WDR86: variants seen among roughly 807,000 people sequenced by gnomAD.
The protein encoded by WDR86 is WD repeat domain 86, also known as WD repeat-containing protein 86.
WDR86 carries 30 observed loss-of-function variants against 36.5 expected under a neutral mutation model. That is an observed-to-expected ratio of 0.82 (90% CI 0.61 to 1.11). WDR86 has a LOEUF of 1.11. Ranked by LOEUF, WDR86 falls within the 50% of genes most tolerant of loss-of-function variation. The probability of loss-of-function intolerance (pLI) is 0.00; values close to 1 mark genes in which losing one functional copy is unlikely to be tolerated. For synonymous variants in WDR86, 255 were observed against 252.9 expected, an observed-to-expected ratio of 1.01 and a Z score of -0.08; for missense variants, 545 against 561.2, an observed-to-expected ratio of 0.97 and a Z score of 0.29.
intron 1 of WDR86, among the ~76,000 whole-genome samples, chr7:151,407,794 T>C (rs1377407953): frequency 1.3e-5 from 2 of 152,164 alleles, no homozygotes; most frequent in African/African-American, 2.4e-5. Context: ...TGAGCCAAGA[T>C]CGTGCCACTG....
At chr7:151,373,866 G>A (rs1798077058), downstream of WDR86, among the ~76,000 whole-genome samples, 2 of 151,988 alleles carry the variant, frequency 1.3e-5, no homozygotes, top group Non-Finnish European at 2.9e-5. Context: ...CCTGCCCCAC[G>A]GGCATCTCAC....
At chr7:151,399,620 T>C (rs948070234) in intron 2 of WDR86, among the ~76,000 whole-genome samples, 1 of 152,188 alleles carries the variant, frequency 6.6e-6, no homozygotes, top group African/African-American at 2.4e-5. Flanking sequence ...TCCAACCTTC[T>C]TGAGAAGGAG....
chr7:151,410,526 G>A (rs1240919742), upstream of WDR86: 1 of 152,276 alleles, frequency 6.6e-6, no homozygotes, highest in Non-Finnish European at 1.5e-5. Flanking sequence ...TTCTACTTTG[G>A]TCTGGCCGGA....
Position 151,400,112 on chromosome 7 carries a change from G to T in WDR86, c.293C>A (p.Ser98Tyr). The part of the protein sequence containing the change: ...QCLQVYRGHT[S>Y]IVNRILVANN... The stretch of plus-strand genomic sequence containing the variant: ...CAGCCAGGCTGACCTGTTCACGATG[G>T]ACGTGTGTCCTCGGTACACCTGCAG... The change falls in exon 2 of 6, where the codon TCC becomes TAC. Residue 98 changes from serine to tyrosine, a missense_variant. Transcript: ENST00000334493. The T allele has an allele frequency of 6.2e-7, 1 of 1,601,078 alleles. No homozygotes were observed. Among genetic ancestry groups the T allele is most frequent in the Non-Finnish European group, 8.5e-7 (1 of 1,173,366 alleles).
chr7:151,408,370 G>A lies in WDR86; in HGVS notation c.163+1057C>T, dbSNP rs754686136. On this transcript the variant is annotated intron_variant, in intron 1 of 5. Coordinates refer to ENST00000334493, the MANE Select transcript of WDR86 (RefSeq NM_198285.3). ...CGCCACCACGCCCAGCTAATTTTTT[G>A]TATTTTTATTAGACACAGGGTTTCA... is the stretch of plus-strand genomic sequence containing the variant. Among the ~76,000 whole-genome samples the A allele has an allele frequency of 2.6e-4, 39 of 151,732 alleles. No individual in the cohort carries two copies. The South Asian group carries it at 3.7e-3, about 15-fold the overall frequency.
At chr7:151,378,893 C>A (rs1351579516), downstream of WDR86, among the ~76,000 whole-genome samples, 1 of 152,190 alleles carries the variant, frequency 6.6e-6, no homozygotes, top group African/African-American at 2.4e-5. Flanking sequence ...TCTTCCGTGT[C>A]TTGTGAAGAG....
At chr7:151,374,249 A>G, downstream of WDR86, 1 of 1,552,422 alleles carries the variant, frequency 6.4e-7, no homozygotes, top group East Asian at 2.4e-5. Context: ...TGAAGGTAGC[A>G]GCTCCCTCGG....
In WDR86 at chr7:151,409,690, C is replaced by T; in HGVS notation, c.-101G>A. 7.7e-7 allele frequency: 1 copy of T among 1,291,416 alleles called. No individual in the cohort carries two copies. Among genetic ancestry groups the T allele is most frequent in the Non-Finnish European group, 9.8e-7 (1 of 1,022,878 alleles). 80.0% of individuals were successfully genotyped at this position (1,291,416 alleles called of 1,614,324 possible). A position where few individuals can be genotyped will look rare whatever the true frequency, so the allele number is the denominator to read the frequency against. Reference sequence around the variant, plus strand: ...CCGTACGACTGCGGCCCGCGGCCATCGCGGGGAACGGGGAGCCCGACTCCT... The same window carrying T: ...CCGTACGACTGCGGCCCGCGGCCATTGCGGGGAACGGGGAGCCCGACTCCT... On this transcript the variant is annotated 5_prime_UTR_variant, in exon 1 of 6. Coordinates refer to ENST00000334493, the MANE Select transcript of WDR86 (RefSeq NM_198285.3). This position sits in a 1 kb window ranked among gnomAD's most constrained non-coding sequence, Gnocchi z 5.2.
Position 151,409,479 on chromosome 7 carries a change from G to C in WDR86, c.111C>G (p.Gly37=). 1.3e-6 allele frequency: 2 copies of C among 1,536,242 alleles called. No individual in the cohort carries two copies. Among genetic ancestry groups the C allele is most frequent in the Non-Finnish European group, 1.7e-6 (2 of 1,146,896 alleles). The change falls in exon 1 of 6, where the codon GGC becomes GGG. Residue 37 remains glycine, a synonymous_variant. Transcript: ENST00000334493. The surrounding 1 kb of genome is among the most constrained non-coding windows in gnomAD (Gnocchi z 5.2). ...GQRLLTGSED[G]TARLWSTADG... ...CCGCGGTGCTCCAGAGCCGGGCCGT[G>C]CCGTCCTCGCTGCCCGTCAGCAGGC...
chr7:151,384,810 A>G (rs114785358), intron 4 of WDR86, among the ~76,000 whole-genome samples: 2,880 of 152,314 alleles, frequency 0.019, 95 homozygotes, highest in African/African-American at 0.066. Flanking sequence ...GAATTAGGAT[A>G]CACCCTTTGG....
chr7:151,398,276 G>A (rs1449660545), intron 2 of WDR86, among the ~76,000 whole-genome samples: 1 of 152,000 alleles, frequency 6.6e-6, no homozygotes, highest in Non-Finnish European at 1.5e-5. Flanking sequence ...TAAGTTGTGT[G>A]TATGGGTGCA....
At chr7:151,408,207 T>C (rs1173947183) in intron 1 of WDR86, among the ~76,000 whole-genome samples, 1 of 148,734 alleles carries the variant, frequency 6.7e-6, no homozygotes, top group Non-Finnish European at 1.5e-5. Context: ...TTCTTTTTTT[T>C]TTTTTTTTAG....
At chr7:151,393,164 G>C (rs1416927329) in intron 3 of WDR86, among the ~76,000 whole-genome samples, 2 of 152,226 alleles carry the variant, frequency 1.3e-5, no homozygotes, top group African/African-American at 4.8e-5. Flanking sequence ...ATGTTTGTGG[G>C]CATGCATGTA....
At chr7:151,396,339 T>C in intron 2 of WDR86, 143 bp from the exon 3 acceptor site, 1 of 985,934 alleles carries the variant, frequency 1.0e-6, no homozygotes, top group African/African-American at 1.6e-5. Context: ...TCTTCCAAGG[T>C]CCAGCTCAAA....
chr7:151,402,400 GAC>G (rs1055166540), intron 1 of WDR86, among the ~76,000 whole-genome samples: 24 of 152,212 alleles, frequency 1.6e-4, no homozygotes, highest in African/African-American at 5.5e-4. Flanking sequence ...CACTAACATA[GAC>G]ACAGAGACAA....
chr7:151,399,544 T>C (rs2150836102), intron 2 of WDR86, among the ~76,000 whole-genome samples: 1 of 152,358 alleles, frequency 6.6e-6, no homozygotes, highest in East Asian at 1.9e-4. Context: ...AGTGTCCAAC[T>C]GATCTGATCA....
chr7:151,383,173 C>CGGGGGGGGG (rs1798725700), intron 4 of WDR86, among the ~76,000 whole-genome samples: 1 of 22,496 alleles, frequency 4.4e-5, no homozygotes, highest in Non-Finnish European at 1.1e-4. Context: ...AACGGGGCGG[C>CGGGGGGGGG]GGGGTGGGGG....
Position 151,388,091 on chromosome 7 carries a change from C to G in WDR86, c.727-2868G>C, listed in dbSNP as rs1333169443. Among the ~76,000 whole-genome samples, 1 of 152,344 alleles carries G rather than the reference C, an allele frequency of 6.6e-6. No individual in the cohort carries two copies. The highest frequency in any genetic ancestry group is 1.5e-5 in the Non-Finnish European group (1 of 68,038). ...CGGCTCCTCAGGGTTGGGTGAGACT[C>G]ATGAACTGGTACGACAGGGCTTTTG... On this transcript the variant is annotated intron_variant, in intron 3 of 5. Transcript: ENST00000334493. The surrounding 1 kb of genome is among the most constrained non-coding windows in gnomAD (Gnocchi z 4.2).
intron 3 of WDR86, among the ~76,000 whole-genome samples, chr7:151,387,316 C>T (rs1799059206): frequency 6.6e-6 from 1 of 152,146 alleles, no homozygotes; most frequent in African/African-American, 2.4e-5. Flanking sequence ...CCTCCTGTTC[C>T]CTGGCAGCCG....
Sources: gnomAD v4.1 joint callset for allele counts (sites outside exome capture counted in the v4.1 genomes callset) on GRCh38, gnomAD v4.1.1 for gene constraint, Gnocchi (gnomAD v3.1) non-coding constraint, MANE v1.5 for transcripts, NCBI Gene and HGNC (gene_info 2026-07-23, HGNC 2026-07-21) for gene names.